The following TLN2 variants were observed in gnomAD, a reference collection of about 807,000 sequenced individuals.
TLN2 encodes the protein talin-2.
A neutral mutation model predicts 294.7 loss-of-function variants in TLN2; 118 were observed. The ratio of observed to expected loss-of-function variants is 0.40; its 90% CI spans 0.34 to 0.47. The LOEUF (loss-of-function observed/expected upper bound fraction) is 0.47. Ranked by LOEUF, TLN2 falls within the 20% of genes least tolerant of loss-of-function variation. The probability of loss-of-function intolerance (pLI) is 0.84; values close to 1 mark genes in which losing one functional copy is unlikely to be tolerated. For synonymous variants in TLN2, 1,431 were observed against 1,304.5 expected (o/e 1.10, Z -2.09); for missense variants, 3,083 against 3,282.2 (o/e 0.94, Z 1.48).
chr15:62,781,044 CCCT>C, intron 43 of TLN2, 93 bp from the exon 44 acceptor site: 1 of 859,522 alleles, frequency 1.2e-6, no homozygotes, highest in Non-Finnish European at 1.9e-6. Flanking sequence ...ATCTCTGAGG[CCCT>C]CTCTGTTTTT....
intron 1 of TLN2, among the ~76,000 whole-genome samples, chr15:62,455,018 A>C (rs372001066): frequency 6.6e-6 from 1 of 152,180 alleles, no homozygotes; most frequent in African/African-American, 2.4e-5. Context: ...AATACTGAAC[A>C]CTGGGGTTTT....
At chr15:62,438,371 T>G (rs1366494688) in intron 1 of TLN2, among the ~76,000 whole-genome samples, 1 of 152,202 alleles carries the variant, frequency 6.6e-6, no homozygotes, top group East Asian at 1.9e-4. Context: ...CTGTAAAGCT[T>G]AGTCTATCTG....
chr15:62,724,954 A>G (rs1291707928), intron 26 of TLN2, 22 bp from the exon 27 acceptor site: 2 of 1,605,162 alleles, frequency 1.2e-6, no homozygotes, highest in Admixed American at 1.7e-5. Context: ...CTGGGTATAC[A>G]TATTTCCAAC....
chr15:62,686,819 G>A (rs761166609), intron 12 of TLN2, 23 bp downstream of exon 12: 4 of 1,611,430 alleles, frequency 2.5e-6, no homozygotes, highest in Non-Finnish European at 2.5e-6. Context: ...AGAGGGCAAG[G>A]AGAGCACTAG....
In TLN2 at chr15:62,809,917, C is replaced by T. The variant is rs1240502983; in HGVS notation, c.6664-8C>T. ...TGTTAAGATTTCAGCATTCCTTTCT[C>T]TCTCCAGCAAGCATCCTTCCACCCC... On this transcript the variant is annotated splice_polypyrimidine_tract_variant and splice_region_variant and intron_variant, in intron 51 of 58. Transcript: ENST00000636159. 6.2e-7 allele frequency: 1 copy of T among 1,613,564 alleles called. No individual in the cohort carries two copies. Among genetic ancestry groups the T allele is most frequent in the Non-Finnish European group, 8.5e-7 (1 of 1,179,712 alleles).
intron 1 of TLN2, among the ~76,000 whole-genome samples, chr15:62,399,140 C>T (rs1228454152): frequency 6.6e-6 from 1 of 150,768 alleles, no homozygotes; most frequent in Non-Finnish European, 1.5e-5. Context: ...TGCAGGCGTG[C>T]AGAAGACAAG....
intron 11 of TLN2, among the ~76,000 whole-genome samples, chr15:62,683,597 G>T (rs1225050336): frequency 6.6e-6 from 1 of 151,986 alleles, no homozygotes; most frequent in East Asian, 1.9e-4. Context: ...GCATTCTCCT[G>T]CCTCTGAGTT....
At chr15:62,766,672 G>A (rs576415093) in intron 41 of TLN2, among the ~76,000 whole-genome samples, 2 of 152,334 alleles carry the variant, frequency 1.3e-5, no homozygotes, top group African/African-American at 4.8e-5. Context: ...GTTGTGGCCA[G>A]AGATGTAATT....
intron 1 of TLN2, among the ~76,000 whole-genome samples, chr15:62,442,474 C>T (rs558144737): frequency 1.7e-5 from 2 of 115,408 alleles, no homozygotes; most frequent in East Asian, 5.1e-4. Flanking sequence ...AGCTGGGGCA[C>T]AGAGTGAGAC....
rs773806073 is a variant in TLN2, at chr15:62,788,260, A to G, written c.5736+4370A>G. On this transcript the variant is annotated intron_variant, in intron 45 of 58. Transcript: ENST00000636159. ...CGGGTGGCGGAGGTTGCAGTGAGCC[A>G]AGATCGCACCATTGTACTCCAGCCT... 7.2e-5 allele frequency among the ~76,000 whole-genome samples: 11 copies of G among 152,046 alleles called. No individual in the cohort carries two copies. In the East Asian group the frequency reaches 7.9e-4, roughly 11 times the overall value.
At chr15:62,825,827 A>T (rs1259252622) in intron 54 of TLN2, among the ~76,000 whole-genome samples, 1 of 7,426 alleles carries the variant, frequency 1.3e-4, no homozygotes, top group South Asian at 8.2e-3. Context: ...AATATATATT[A>T]TAATATATAA....
intron 1 of TLN2, among the ~76,000 whole-genome samples, chr15:62,502,935 G>T (rs2039383863): frequency 6.6e-6 from 1 of 152,172 alleles, no homozygotes; most frequent in Admixed American, 6.5e-5. Context: ...TGGGTTGGAG[G>T]AAAACAGCTT....
chr15:62,511,761 G>A (rs182834709), intron 1 of TLN2, among the ~76,000 whole-genome samples: 1 of 152,292 alleles, frequency 6.6e-6, no homozygotes, highest in East Asian at 1.9e-4. Context: ...AACTCAGGAT[G>A]AGATCATTTA....
At chr15:62,720,789 T>A (rs1390554507) in intron 25 of TLN2, among the ~76,000 whole-genome samples, 1 of 152,148 alleles carries the variant, frequency 6.6e-6, no homozygotes, top group East Asian at 1.9e-4. Context: ...GACTATACTC[T>A]TCATTTAACT....
At chr15:62,698,967 G>C in intron 16 of TLN2, 100 bp downstream of exon 16, 2 of 1,149,878 alleles carry the variant, frequency 1.7e-6, no homozygotes, top group Non-Finnish European at 2.5e-6. Context: ...TCTATCTCTA[G>C]GTGAAATGGA....
At chr15:62,764,735 G>A (rs2141029580) in intron 40 of TLN2, among the ~76,000 whole-genome samples, 1 of 152,158 alleles carries the variant, frequency 6.6e-6, no homozygotes, top group South Asian at 2.1e-4. Context: ...GGGAGGCTGA[G>A]GCGGATGGAT....
intron 3 of TLN2, among the ~76,000 whole-genome samples, chr15:62,627,565 G>T (rs1016383470): frequency 1.3e-5 from 2 of 152,160 alleles, no homozygotes; most frequent in Non-Finnish European, 2.9e-5. Context: ...GCTTCCTAGA[G>T]GCTAACACAG....
chr15:62,767,422 A>G (rs1391078064), intron 41 of TLN2, among the ~76,000 whole-genome samples: 13 of 150,748 alleles, frequency 8.6e-5, no homozygotes, highest in Admixed American at 2.6e-4. Context: ...GCTTACCACA[A>G]CCTCCGCCTC....
chr15:62,594,462 C>A (rs1399649707), intron 2 of TLN2, among the ~76,000 whole-genome samples: 1 of 152,200 alleles, frequency 6.6e-6, no homozygotes, highest in African/African-American at 2.4e-5. Context: ...CCCACCTCAG[C>A]CTCTCAAAGT....
Sources: allele counts gnomAD v4.1 joint callset (sites outside exome capture counted in the v4.1 genomes callset), GRCh38; gene constraint gnomAD v4.1.1; transcripts MANE v1.5; gene names NCBI Gene and HGNC (gene_info 2026-07-23, HGNC 2026-07-21).